The following BTBD8 variants were observed in gnomAD, a reference collection of about 807,000 sequenced individuals.
BTBD8 encodes the protein BTB domain containing 8, also known as BTB/POZ domain-containing protein 8.
A neutral mutation model predicts 162.9 loss-of-function variants in BTBD8; 110 were observed. That is an observed-to-expected ratio of 0.68 (90% CI 0.58 to 0.79). BTBD8 has a LOEUF of 0.79. Ranked by LOEUF, BTBD8 falls within the 30% of genes least tolerant of loss-of-function variation. BTBD8 has a pLI of 0.00. For synonymous variants in BTBD8, 667 were observed against 716.1 expected, an observed-to-expected ratio of 0.93 and a Z score of 1.10; for missense variants, 1,905 against 2,085.4, an observed-to-expected ratio of 0.91 and a Z score of 1.68.
intron 13 of BTBD8, among the ~76,000 whole-genome samples, chr1:92,172,577 A>G (rs1304771443): frequency 6.6e-6 from 1 of 152,234 alleles, no homozygotes; most frequent in Non-Finnish European, 1.5e-5. Flanking sequence ...CTTAACCAAT[A>G]ATATATTCAA....
intron 6 of BTBD8, 126 bp downstream of exon 6, chr1:92,139,556 A>G: frequency 1.5e-6 from 2 of 1,340,266 alleles, no homozygotes; most frequent in African/African-American, 3.1e-5. Context: ...TATCTTCAGT[A>G]GGTTTTGAGA....
intron 5 of BTBD8, among the ~76,000 whole-genome samples, chr1:92,134,322 A>C (rs1027172522): frequency 6.6e-6 from 1 of 152,210 alleles, no homozygotes; most frequent in Non-Finnish European, 1.5e-5. Flanking sequence ...TTCTCATTAT[A>C]ATTATAATTA....
At chr1:92,127,659 C>T (rs1266110622) in intron 4 of BTBD8, among the ~76,000 whole-genome samples, 3 of 152,046 alleles carry the variant, frequency 2.0e-5, no homozygotes, top group Non-Finnish European at 2.9e-5. Flanking sequence ...ACTGCAACCT[C>T]GGCCTCCTGG....
Position 92,178,361 on chromosome 1 carries a change from G to C in BTBD8, c.2491G>C (p.Ala831Pro), listed in dbSNP as rs748097494. The C allele has an allele frequency of 6.4e-7, 1 of 1,551,586 alleles. No homozygotes were observed. Among genetic ancestry groups the C allele is most frequent in the South Asian group, 1.2e-5 (1 of 84,044 alleles). Residue 831 changes from alanine (A) to proline (P), a missense_variant, in exon 16 of 18, where the codon GCA becomes CCA. By Grantham distance (27) the Ala-to-Pro change is conservative. Transcript: ENST00000636805. ...AGGATGTAGTGAGCCAGTACCACAG[G>C]CAATTTTGAAGAAAAGAGGAACTAG... is the stretch of plus-strand genomic sequence containing the variant. ...GKGCSEPVPQ[A>P]ILKKRGTSNG...
chr1:92,141,202 C>A lies in BTBD8; in HGVS notation c.921C>A (p.Phe307Leu), dbSNP rs758203077. 7.0e-6 allele frequency: 11 copies of A among 1,580,436 alleles called. No homozygotes were observed. The African/African-American group carries it at 1.5e-4, about 21-fold the overall frequency. The change falls in exon 7 of 18, where the codon TTC (phenylalanine) becomes TTA (leucine). Residue 307 changes from phenylalanine (F) to leucine (L), a missense_variant. Physicochemically the swap from Phe to Leu is conservative, Grantham distance 22. Around this residue, in one of 3 missense-constraint regions of BTBD8, gnomAD observed 1,374 missense variants for 1,442.7 expected, o/e 0.95. Transcript: ENST00000636805. ...IYILRRDYCN[F>L]FQKPVPRTLT... The stretch of plus-strand genomic sequence containing the variant: ...TTTTAAGAAGAGATTACTGTAATTT[C>A]TTTCAGAAGGTAATTATTGAGCCTC...
intron 4 of BTBD8, among the ~76,000 whole-genome samples, 155 bp downstream of exon 4, chr1:92,108,156 G>A (rs12747165): frequency 6.6e-6 from 1 of 152,192 alleles, no homozygotes; most frequent in Non-Finnish European, 1.5e-5. Flanking sequence ...GATTCCTCAG[G>A]GGGAGTCCAA....
At chr1:92,099,497 A>G (rs889019093) in intron 2 of BTBD8, among the ~76,000 whole-genome samples, 5 of 151,476 alleles carry the variant, frequency 3.3e-5, no homozygotes, top group Non-Finnish European at 7.4e-5. Context: ...AAGTACTACT[A>G]TCTTAACAAT....
chr1:92,128,644 TCC>T (rs1649426210), intron 4 of BTBD8, among the ~76,000 whole-genome samples: 2 of 152,020 alleles, frequency 1.3e-5, no homozygotes, highest in Admixed American at 6.5e-5. Flanking sequence ...GGTCTTGAAC[TCC>T]CGACCTCAGG....
intron 1 of BTBD8, among the ~76,000 whole-genome samples, chr1:92,085,818 A>G (rs1033634668): frequency 1.3e-5 from 2 of 152,150 alleles, no homozygotes; most frequent in African/African-American, 4.8e-5. Flanking sequence ...GCTTGAGCTC[A>G]GTGTTGGGGT....
rs1650910497 is a variant in BTBD8 at position 92,181,643 on chromosome 1, A to G, written c.3960A>G (p.Glu1320=). The stretch of plus-strand genomic sequence containing the variant: ...TTTATGATAGTAATTTAAGAATTGA[A>G]GTAAAAATGAAAAAGCAAAGTAATA... ...LKIYDSNLRI[E]VKMKKQSNND... The change falls in exon 17 of 18, where the codon GAA becomes GAG. Residue 1320 remains glutamate (E), a synonymous_variant. Coordinates refer to ENST00000636805, the MANE Select transcript of BTBD8 (RefSeq NM_001376131.1). 1.1e-5 allele frequency: 17 copies of G among 1,550,246 alleles called. No individual in the cohort carries two copies. The highest frequency in any genetic ancestry group is 1.5e-5 in the Non-Finnish European group (17 of 1,145,990).
At chr1:92,083,848 A>G (rs1260378014) in intron 1 of BTBD8, among the ~76,000 whole-genome samples, 1 of 152,208 alleles carries the variant, frequency 6.6e-6, no homozygotes, top group African/African-American at 2.4e-5. Context: ...GAACAGGGAA[A>G]AGGAAGCATT....
chr1:92,123,776 C>CAAAAA (rs529220915), intron 4 of BTBD8, among the ~76,000 whole-genome samples: 3 of 84,446 alleles, frequency 3.6e-5, no homozygotes, highest in Admixed American at 1.6e-4. Flanking sequence ...GACTCCGTCT[C>CAAAAA]AAAAAAAAAA....
chr1:92,098,036 T>A (rs1001223064), intron 2 of BTBD8, among the ~76,000 whole-genome samples: 2 of 152,172 alleles, frequency 1.3e-5, no homozygotes, highest in African/African-American at 2.4e-5. Flanking sequence ...CAGGTTTTTT[T>A]AATTGGGAAT....
At chr1:92,104,454 G>C (rs1334910844) in intron 3 of BTBD8, among the ~76,000 whole-genome samples, 1 of 152,178 alleles carries the variant, frequency 6.6e-6, no homozygotes, top group Non-Finnish European at 1.5e-5. Flanking sequence ...AGGACTCTAA[G>C]ACTCAGAGAG....
intron 2 of BTBD8, among the ~76,000 whole-genome samples, chr1:92,101,061 T>G (rs1218609593): frequency 6.6e-6 from 1 of 152,136 alleles, no homozygotes; most frequent in African/African-American, 2.4e-5. Flanking sequence ...TTGTAGTCTT[T>G]TATCCCTCAT....
intron 8 of BTBD8, 29 bp from the exon 9 acceptor site, chr1:92,147,655 T>C (rs1277280324): frequency 1.9e-6 from 3 of 1,543,076 alleles, no homozygotes; most frequent in Non-Finnish European, 2.7e-6. Flanking sequence ...TCTTAATTTC[T>C]TTAACGTGGT....
chr1:92,159,780 A>T (rs1179337230), intron 9 of BTBD8, among the ~76,000 whole-genome samples: 1 of 152,116 alleles, frequency 6.6e-6, no homozygotes, highest in Non-Finnish European at 1.5e-5. Flanking sequence ...TAGTCTTATA[A>T]ACATTCTCTT....
At chr1:92,082,091 A>G (rs1037940803) in intron 1 of BTBD8, among the ~76,000 whole-genome samples, 3 of 152,226 alleles carry the variant, frequency 2.0e-5, no homozygotes, top group African/African-American at 7.2e-5. Context: ...CATCTAATTT[A>G]TATGAAGAAA....
chr1:92,104,156 G>A (rs1648667032), intron 3 of BTBD8, among the ~76,000 whole-genome samples: 1 of 152,180 alleles, frequency 6.6e-6, no homozygotes, highest in African/African-American at 2.4e-5. Flanking sequence ...TACATGAATT[G>A]TATTGGATCA....
Sources: gnomAD v4.1 joint callset for allele counts (sites outside exome capture counted in the v4.1 genomes callset) on GRCh38, gnomAD v4.1.1 for gene constraint, gnomAD v4.1.1 regional missense constraint, MANE v1.5 for transcripts, NCBI Gene and HGNC (gene_info 2026-07-23, HGNC 2026-07-21) for gene names.